The following GAB1 variants were observed in gnomAD, a reference collection of about 807,000 sequenced individuals.
The protein encoded by GAB1 is GRB2 associated binding protein 1.
Under a neutral mutation model 66.5 loss-of-function variants are expected in GAB1, and 19 were observed. The observed-to-expected ratio is 0.29, with a 90% CI of 0.20 to 0.42. The LOEUF (loss-of-function observed/expected upper bound fraction) is 0.42, where lower values mean the gene tolerates loss of function less well. Among genes scored for constraint, GAB1 ranks in the 10% least tolerant of loss-of-function variants. The pLI is 1.00. For missense variants in GAB1, 732 were observed against 858.5 expected (o/e 0.85, Z 1.84); for synonymous variants, 294 against 301.4 (o/e 0.98, Z 0.25).
intron 1 of GAB1, among the ~76,000 whole-genome samples, chr4:143,393,237 A>G (rs1190738334): frequency 6.6e-6 from 1 of 151,546 alleles, no homozygotes; most frequent in African/African-American, 2.4e-5. Flanking sequence ...TTTTAAAAAA[A>G]AAAAAAGAAA....
chr4:143,460,546 A>G, intron 8 of GAB1, 59 bp downstream of exon 8: 1 of 1,525,972 alleles, frequency 6.6e-7, no homozygotes, highest in Non-Finnish European at 9.0e-7. Context: ...TTCAAGCTAG[A>G]ACTGTTCTGT....
In GAB1 at chr4:143,349,267, T is replaced by C. The variant is rs183587250; in HGVS notation, c.72+12007T>C. ...CTTAATTCACTTTATTTTTCTTGTA[T>C]AAAAACCCTACGTTGTAGCCACAGC... On this transcript the variant is annotated intron_variant, in intron 1 of 9. Transcript: ENST00000262994. 2.0e-3 allele frequency: 1,947 copies of C among 995,278 alleles called. 3 individuals are homozygous for C. Among genetic ancestry groups the C allele is most frequent in the Non-Finnish European group, 2.4e-3 (1,643 of 690,506 alleles). The allele number at this position is 995,278 out of a possible 1,614,324, so 61.7% of individuals were successfully genotyped here. A position where few individuals can be genotyped will look rare whatever the true frequency, so the allele number is the denominator to read the frequency against.
At chr4:143,427,545 A>AACAAC (rs1560762236) in intron 2 of GAB1, among the ~76,000 whole-genome samples, 15 of 151,952 alleles carry the variant, frequency 9.9e-5, no homozygotes, top group African/African-American at 3.6e-4. Flanking sequence ...TAAAAAAAAA[A>AACAAC]AACAACAACA....
chr4:143,419,043 C>G (rs1732865522), intron 2 of GAB1, among the ~76,000 whole-genome samples: 1 of 152,052 alleles, frequency 6.6e-6, no homozygotes, highest in African/African-American at 2.4e-5. Flanking sequence ...TGTGGGAATT[C>G]ATTCAGCAAA....
At position 143,367,195 on chromosome 4, in the gene GAB1, C is replaced by G. The variant is rs567724614; in HGVS notation, c.72+29935C>G. ...TATTTCTAATTGGGAAGCTACAAAA[C>G]TTTGTCTCAGGAATTAAGGAGGATA... On this transcript the variant is annotated intron_variant, in intron 1 of 9. Transcript: ENST00000262994. Among the ~76,000 whole-genome samples, 16 of 152,244 alleles carry G rather than the reference C, an allele frequency of 1.1e-4. No individual in the cohort carries two copies. In the South Asian group the frequency reaches 3.3e-3, roughly 32 times the overall value.
intron 1 of GAB1, among the ~76,000 whole-genome samples, chr4:143,412,895 C>T (rs1169610664): frequency 6.6e-6 from 1 of 152,084 alleles, no homozygotes; most frequent in Non-Finnish European, 1.5e-5. Context: ...ACTATACAAG[C>T]ATAGCAATAT....
intron 2 of GAB1, 68 bp from the exon 3 acceptor site, chr4:143,433,423 A>G: frequency 9.2e-7 from 1 of 1,090,560 alleles, no homozygotes; most frequent in South Asian, 1.3e-5. Context: ...TTTGTCTCCA[A>G]AGTAGCTTTG....
intron 1 of GAB1, among the ~76,000 whole-genome samples, chr4:143,363,687 G>A (rs571203395): frequency 1.8e-4 from 27 of 152,118 alleles, no homozygotes; most frequent in Non-Finnish European, 3.4e-4. Context: ...CATGAGGTGC[G>A]GTGATAGAAC....
chr4:143,425,432 GA>G, intron 2 of GAB1: 5 of 759,414 alleles, frequency 6.6e-6, no homozygotes, highest in Non-Finnish European at 1.2e-5. Context: ...CAGGGCTGAA[GA>G]CCAGCCTCTC....
chr4:143,337,400 C>G, intron 1 of GAB1, 140 bp downstream of exon 1: 1 of 727,806 alleles, frequency 1.4e-6, no homozygotes, highest in Non-Finnish European at 2.3e-6. Context: ...GCCCCTACCC[C>G]TGGCGGGCTC....
intron 1 of GAB1, among the ~76,000 whole-genome samples, chr4:143,405,084 A>G (rs1309028839): frequency 6.6e-6 from 1 of 152,196 alleles, no homozygotes; most frequent in Admixed American, 6.5e-5. Flanking sequence ...TTTAAACAAG[A>G]CGTTATTAAA....
rs140726867 is a variant in GAB1, at chr4:143,472,860, G to A, written c.*3671G>A. The A allele has an allele frequency of 8.5e-4, 130 of 152,210 alleles. No individual in the cohort carries two copies. Among genetic ancestry groups the A allele is most frequent in the African/African-American group, 3.1e-3 (127 of 41,534 alleles). 9.4% of individuals were successfully genotyped at this position (152,210 alleles called of 1,614,324 possible). ...CTGTCAATAACATCTGATGTTACATGCACATTTATATATATATAATTTTAA... is the reference window on the plus strand; with the variant it reads ...CTGTCAATAACATCTGATGTTACATACACATTTATATATATATAATTTTAA... On this transcript the variant is annotated 3_prime_UTR_variant, in exon 10 of 10. Transcript: ENST00000262994.
rs5862632 is a variant in GAB1 at position 143,342,543 on chromosome 4, C to CTTTTT, written c.72+5306_72+5310dup. ...GAGAAAGTTTCAGAGGTGATAGATTCTTTTTTTTTTTTTTTTTTTTTTTTT... is the reference window on the plus strand; with the variant it reads ...GAGAAAGTTTCAGAGGTGATAGATTCTTTTTTTTTTTTTTTTTTTTTTTTTTTTTT... On this transcript the variant is annotated intron_variant, in intron 1 of 9. Transcript: ENST00000262994. 4.6e-4 allele frequency among the ~76,000 whole-genome samples: 29 copies of CTTTTT among 62,494 alleles called. 2 individuals are homozygous for CTTTTT. Among genetic ancestry groups the CTTTTT allele is most frequent in the African/African-American group, 1.6e-3 (25 of 15,970 alleles). The allele number at this position is 62,494 out of a possible 152,430, so 41.0% of individuals were successfully genotyped here.
At position 143,472,175 on chromosome 4, in the gene GAB1, C is replaced by G. The variant is rs1477163279; in HGVS notation, c.*2986C>G. On this transcript the variant is annotated 3_prime_UTR_variant, in exon 10 of 10. Coordinates refer to ENST00000262994, the MANE Select transcript of GAB1 (RefSeq NM_002039.4). Reference sequence around the variant, plus strand: ...GTAAGATGTAAAAGATTTTTTAAATCTACACTTCAGTTTATACATCTTTAT... The same window carrying G: ...GTAAGATGTAAAAGATTTTTTAAATGTACACTTCAGTTTATACATCTTTAT... 6.6e-6 allele frequency: 1 copy of G among 152,092 alleles called. No individual in the cohort carries two copies. Among genetic ancestry groups the G allele is most frequent in the Admixed American group, 6.6e-5 (1 of 15,260 alleles). 9.4% of individuals were successfully genotyped at this position (152,092 alleles called of 1,614,324 possible). A position where few individuals can be genotyped will look rare whatever the true frequency, so the allele number is the denominator to read the frequency against.
intron 1 of GAB1, among the ~76,000 whole-genome samples, chr4:143,363,915 C>T (rs568365116): frequency 3.3e-5 from 5 of 152,144 alleles, no homozygotes; most frequent in South Asian, 2.1e-4. Flanking sequence ...GACTTAAATT[C>T]GTGCTGGCCG....
At chr4:143,460,548 C>T in intron 8 of GAB1, 61 bp downstream of exon 8, 1 of 1,489,638 alleles carries the variant, frequency 6.7e-7, no homozygotes. Context: ...CAAGCTAGAA[C>T]TGTTCTGTCT....
At chr4:143,437,322 C>G (rs1009501289) in intron 3 of GAB1, among the ~76,000 whole-genome samples, 1 of 152,178 alleles carries the variant, frequency 6.6e-6, no homozygotes, top group Non-Finnish European at 1.5e-5. Flanking sequence ...ATGCAGAGAC[C>G]GAAAATGTTC....
Position 143,425,881 on chromosome 4 carries a change from C to G in GAB1, c.368-7610C>G, listed in dbSNP as rs1282132204. The G allele has an allele frequency of 3.5e-6, 5 of 1,425,342 alleles. No homozygotes were observed. In the African/African-American group the frequency reaches 5.6e-5, roughly 16 times the overall value. 88.3% of individuals were successfully genotyped at this position (1,425,342 alleles called of 1,614,324 possible). A position where few individuals can be genotyped will look rare whatever the true frequency, so the allele number is the denominator to read the frequency against. On this transcript the variant is annotated intron_variant, in intron 2 of 9. Transcript: ENST00000262994. ...GCCATAGAAGACTGGTCTGCAGCTC[C>G]CACTGCTCAGGCCACTGAATGGGTA... is the stretch of plus-strand genomic sequence containing the variant.
chr4:143,366,527 GT>G (rs1453805503), intron 1 of GAB1, among the ~76,000 whole-genome samples: 1 of 151,982 alleles, frequency 6.6e-6, no homozygotes, highest in Non-Finnish European at 1.5e-5. Flanking sequence ...ATATTTTTGT[GT>G]TTTTTCTAAA....
Sources: allele counts gnomAD v4.1 joint callset (sites outside exome capture counted in the v4.1 genomes callset), GRCh38; gene constraint gnomAD v4.1.1; transcripts MANE v1.5; gene names NCBI Gene and HGNC (gene_info 2026-07-23, HGNC 2026-07-21).